Variants in GRB10 observed in about 807,000 individuals in gnomAD.
GRB10 encodes growth factor receptor-bound protein 10.
In GRB10, 20 loss-of-function variants were observed where a neutral mutation model predicts 80.9. The observed-to-expected ratio is 0.25, with a 90% CI of 0.17 to 0.36. The LOEUF is 0.36. Ranked by LOEUF, GRB10 falls within the 10% of genes least tolerant of loss-of-function variation. GRB10 has a pLI of 1.00. For missense variants in GRB10, 548 were observed against 747.7 expected, an observed-to-expected ratio of 0.73 and a Z score of 3.12; for synonymous variants, 291 against 291.5, an observed-to-expected ratio of 1.00 and a Z score of 0.02.
At chr7:50,774,373 T>G (rs1318400439) in intron 2 of GRB10, among the ~76,000 whole-genome samples, 2 of 152,248 alleles carry the variant, frequency 1.3e-5, no homozygotes, top group Non-Finnish European at 2.9e-5. Context: ...ACAAAATACT[T>G]GAGACTGGAT....
At chr7:50,738,561 A>C (rs888136649) in intron 3 of GRB10, among the ~76,000 whole-genome samples, 1 of 152,238 alleles carries the variant, frequency 6.6e-6, no homozygotes, top group Non-Finnish European at 1.5e-5. Flanking sequence ...CCTCCCAGGC[A>C]GCTGGGACTT....
At chr7:50,614,127 C>G (rs2050082248) in intron 12 of GRB10, among the ~76,000 whole-genome samples, 2 of 152,152 alleles carry the variant, frequency 1.3e-5, no homozygotes, top group African/African-American at 4.8e-5. Context: ...TGGGCTCTGC[C>G]TATAGGTGTG....
intron 9 of GRB10, 31 bp downstream of exon 9, chr7:50,619,139 C>T: frequency 7.5e-7 from 1 of 1,330,914 alleles, no homozygotes; most frequent in Non-Finnish European, 1.1e-6. Flanking sequence ...TCAAGAGTCC[C>T]AAACCCCAAA....
chr7:50,741,126 A>G (rs1405701819), intron 3 of GRB10, among the ~76,000 whole-genome samples: 1 of 152,232 alleles, frequency 6.6e-6, no homozygotes, highest in Non-Finnish European at 1.5e-5. Flanking sequence ...TTCAATAAAA[A>G]GTTTACATTA....
At chr7:50,749,118 TTTTGTTTTTTTGTTTG>T (rs2073624530) in intron 3 of GRB10, among the ~76,000 whole-genome samples, 2 of 63,560 alleles carry the variant, frequency 3.1e-5, no homozygotes, top group African/African-American at 6.4e-5. Flanking sequence ...TTTTGTTTTG[TTTTGTTTTTTTGTTTG>T]TTTTTTTTTT....
At chr7:50,791,940 G>C (rs1284052734) in intron 1 of GRB10, among the ~76,000 whole-genome samples, 1 of 152,174 alleles carries the variant, frequency 6.6e-6, no homozygotes, top group African/African-American at 2.4e-5. Context: ...AGAAACTCTT[G>C]ATTCTAACTC....
intron 2 of GRB10, among the ~76,000 whole-genome samples, chr7:50,766,192 C>T (rs2153707059): frequency 6.6e-6 from 1 of 152,292 alleles, no homozygotes; most frequent in East Asian, 1.9e-4. Flanking sequence ...TATGCTTCTC[C>T]TCACACAAAA....
intron 6 of GRB10, among the ~76,000 whole-genome samples, chr7:50,671,488 C>T (rs1341403346): frequency 1.3e-5 from 2 of 152,212 alleles, no homozygotes; most frequent in African/African-American, 2.4e-5. Context: ...TTTAAAATTA[C>T]GAGAACTCAC....
chr7:50,731,257 G>A lies in GRB10; in HGVS notation c.51+1015C>T, dbSNP rs372499357. Among the ~76,000 whole-genome samples, 3 of 151,676 alleles carry A rather than the reference G, an allele frequency of 2.0e-5. No homozygotes were observed. The East Asian group carries it at 5.8e-4, about 29-fold the overall frequency. On this transcript the variant is annotated intron_variant, in intron 4 of 18. Coordinates refer to ENST00000401949, the MANE Select transcript of GRB10 (RefSeq NM_001350814.2). ...GTCACATTCGACGATTAGAATGAAC[G>A]GTATTCCTAATCTTCAGCCTTTCTT...
chr7:50,661,510 A>G (rs1406906040), intron 7 of GRB10, among the ~76,000 whole-genome samples: 1 of 152,174 alleles, frequency 6.6e-6, no homozygotes, highest in African/African-American at 2.4e-5. Context: ...GTGCCCACTG[A>G]GCTTGTCTTA....
chr7:50,772,114 A>G (rs149433677), intron 2 of GRB10, among the ~76,000 whole-genome samples: 11 of 152,272 alleles, frequency 7.2e-5, no homozygotes, highest in African/African-American at 2.6e-4. Context: ...CCACGGCCCT[A>G]TGGTCTCAAT....
intron 1 of GRB10, chr7:50,781,610 C>A (rs1047446320): frequency 6.6e-6 from 1 of 152,304 alleles, no homozygotes; most frequent in Non-Finnish European, 1.5e-5. Flanking sequence ...GCAGTCTCCC[C>A]CGCCCATAGC....
chr7:50,645,780 G>A, intron 7 of GRB10: 1 of 239,584 alleles, frequency 4.2e-6, no homozygotes, highest in Non-Finnish European at 6.8e-6. Flanking sequence ...AGATTGCCTG[G>A]ACACAGTCCC....
intron 1 of GRB10, chr7:50,792,726 A>G (rs2078982773): frequency 3.1e-6 from 1 of 324,710 alleles, no homozygotes; most frequent in Non-Finnish European, 5.6e-6. Context: ...GGACGCCCGG[A>G]CGCCCGGGCG....
At chr7:50,791,743 T>C (rs1319162753) in intron 1 of GRB10, among the ~76,000 whole-genome samples, 1 of 152,228 alleles carries the variant, frequency 6.6e-6, no homozygotes, top group Non-Finnish European at 1.5e-5. Flanking sequence ...GTGTTGCCCT[T>C]CTCTTTCAAG....
At chr7:50,644,420 T>C (rs1254768165) in intron 7 of GRB10, among the ~76,000 whole-genome samples, 1 of 151,722 alleles carries the variant, frequency 6.6e-6, no homozygotes, top group Non-Finnish European at 1.5e-5. Flanking sequence ...TTCCACTGCC[T>C]TCTTCCTCCC....
chr7:50,657,846 T>C (rs2153626116), intron 7 of GRB10, among the ~76,000 whole-genome samples: 1 of 152,366 alleles, frequency 6.6e-6, no homozygotes, highest in East Asian at 1.9e-4. Flanking sequence ...GTGAATTTTT[T>C]GGATTTTCAA....
chr7:50,776,256 C>A (rs1382434549), intron 2 of GRB10, among the ~76,000 whole-genome samples: 1 of 152,324 alleles, frequency 6.6e-6, no homozygotes, highest in East Asian at 1.9e-4. Context: ...TTCTGTCACG[C>A]AGGCTAGAGC....
At chr7:50,661,383 G>T (rs1165976845) in intron 7 of GRB10, among the ~76,000 whole-genome samples, 1 of 152,168 alleles carries the variant, frequency 6.6e-6, no homozygotes, top group African/African-American at 2.4e-5. Context: ...ATTACTAACA[G>T]GGTTAAACTA....
Sources: allele counts gnomAD v4.1 joint callset (sites outside exome capture counted in the v4.1 genomes callset), GRCh38; gene constraint gnomAD v4.1.1; transcripts MANE v1.5; gene names NCBI Gene and HGNC (gene_info 2026-07-23, HGNC 2026-07-21).